TBRG4: variants seen among roughly 807,000 people sequenced by gnomAD.
The protein encoded by TBRG4 is transforming growth factor beta regulator 4, also known as FAST kinase domain-containing protein 4.
In TBRG4, 43 loss-of-function variants were observed where a neutral mutation model predicts 65.6. The observed-to-expected ratio is 0.66, with a 90% confidence interval of 0.51 to 0.85. The LOEUF is 0.85. TBRG4 is among the 40% of genes least tolerant of loss of function. The pLI, the probability that TBRG4 is intolerant of heterozygous loss-of-function variation, is 0.00. For synonymous variants in TBRG4, 366 were observed against 341.4 expected, an observed-to-expected ratio of 1.07 and a Z score of -0.79; for missense variants, 709 against 787.9, an observed-to-expected ratio of 0.90 and a Z score of 1.20.
chr7:45,110,206 G>A (rs1389156865), intron 1 of TBRG4, among the ~76,000 whole-genome samples: 3 of 152,010 alleles, frequency 2.0e-5, no homozygotes, highest in Non-Finnish European at 4.4e-5. Flanking sequence ...GCAACACAAG[G>A]CCCCATTTTA....
At chr7:45,111,201 C>A (rs1184814974) in intron 1 of TBRG4, among the ~76,000 whole-genome samples, 1 of 152,168 alleles carries the variant, frequency 6.6e-6, no homozygotes, top group African/African-American at 2.4e-5. Context: ...CCACCCGTCT[C>A]GGCCTCCCAA....
chr7:45,101,423 G>C, intron 9 of TBRG4, 51 bp from the exon 10 acceptor site: 1 of 1,607,294 alleles, frequency 6.2e-7, no homozygotes, highest in Non-Finnish European at 8.5e-7. Flanking sequence ...CAGCCCCTCG[G>C]AGGGGAAAGA....
rs748231648 is a variant in TBRG4 at position 45,101,870 on chromosome 7, C to A, written c.1522G>T (p.Asp508Tyr). Residue 508 changes from aspartate to tyrosine, a missense_variant, in exon 8 of 11, where the codon GAC (aspartate) becomes TAC (tyrosine). Transcript: ENST00000258770. The stretch of plus-strand genomic sequence containing the variant: ...GTGGCCACCTCGAGGCTGCCCTTGT[C>A]GGCGCTCCCCAGCAGCCCCTTCAGC... The part of the protein sequence containing the change: ...ETLKGLLGSA[D>Y]KGSLEVATQY... The A allele has an allele frequency of 1.2e-6, 2 of 1,609,376 alleles. No individual in the cohort carries two copies. Among genetic ancestry groups the A allele is most frequent in the South Asian group, 2.2e-5 (2 of 90,994 alleles).
intron 10 of TBRG4, among the ~76,000 whole-genome samples, chr7:45,100,794 C>A (rs1381810748): frequency 1.3e-5 from 2 of 152,222 alleles, no homozygotes; most frequent in Non-Finnish European, 2.9e-5. Context: ...GGGAAGGTGA[C>A]CACCTTTGAT....
chr7:45,109,314 G>T (rs1221214042), intron 1 of TBRG4, 27 bp from the exon 2 acceptor site: 1 of 1,495,932 alleles, frequency 6.7e-7, no homozygotes, highest in African/African-American at 1.4e-5. Context: ...GAGAGAAGGG[G>T]CTACTACAGG....
intron 2 of TBRG4, chr7:45,106,046 T>C (rs1275280068): frequency 4.6e-6 from 3 of 659,166 alleles, no homozygotes; most frequent in Non-Finnish European, 8.5e-6. Flanking sequence ...GTGGCAGTCT[T>C]CTGGGCCAGT....
chr7:45,107,473 T>C (rs968611107), intron 2 of TBRG4: 2 of 152,236 alleles, frequency 1.3e-5, no homozygotes, highest in African/African-American at 4.8e-5. Flanking sequence ...AAAACAAGTA[T>C]GGCTCTGTCC....
Position 45,102,132 on chromosome 7 carries a change from TGAG to T in TBRG4, c.1322-65_1322-63del, listed in dbSNP as rs1319512902. On this transcript the variant is annotated intron_variant, in intron 7 of 10. Coordinates refer to ENST00000258770, the MANE Select transcript of TBRG4 (RefSeq NM_004749.4). ...ACGGCCAGAGATGGGGAGACCCTGA[TGAG>T]AGGGCAGTGCACCCCTACACCCAGT... 6.5e-6 allele frequency: 10 copies of T among 1,539,800 alleles called. No individual in the cohort carries two copies. The East Asian group carries it at 2.0e-4, about 31-fold the overall frequency.
At position 45,101,540 on chromosome 7, in the gene TBRG4, G is replaced by A; in HGVS notation, c.1642C>T (p.Pro548Ser). 6.2e-7 allele frequency: 1 copy of A among 1,613,820 alleles called. No homozygotes were observed. Among genetic ancestry groups the A allele is most frequent in the Non-Finnish European group, 8.5e-7 (1 of 1,179,952 alleles). ...GGAGGTGGTGACTGGCTCCCAGTTG[G>A]CTGGGCAAGGTGAGGTGCCACAAAG... Reference protein sequence around the residue: ...RDFVAPHLAQPTGSQSPPPGS... With the variant: ...RDFVAPHLAQSTGSQSPPPGS... Residue 548 changes from proline (P) to serine (S), a missense_variant, in exon 9 of 11, where the codon CCA becomes TCA. Coordinates refer to ENST00000258770, the MANE Select transcript of TBRG4 (RefSeq NM_004749.4).
At chr7:45,102,762 A>G (rs932995223) in intron 6 of TBRG4, 7 of 488,772 alleles carry the variant, frequency 1.4e-5, no homozygotes, top group African/African-American at 7.8e-5. Flanking sequence ...GTTTACTACA[A>G]CCAACCTACT....
At position 45,105,471 on chromosome 7, in the gene TBRG4, C is replaced by A. The variant is rs142228035; in HGVS notation, c.705G>T (p.Ser235=). 6.2e-7 allele frequency: 1 copy of A among 1,611,192 alleles called. No individual in the cohort carries two copies. The highest frequency in any genetic ancestry group is 1.7e-5 in the Admixed American group (1 of 59,904). Residue 235 remains serine (S), a synonymous_variant, in exon 3 of 11, where the codon TCG becomes TCT. Transcript: ENST00000258770. ...VTVMMKVGHL[S]EPLMNRLEDK... ...CTTCCAGGCGGTTCATTAGTGGCTC[C>A]GAGAGGTGTCCCACCTTCATCATGA...
chr7:45,100,857 C>G (rs1784741704), intron 10 of TBRG4, among the ~76,000 whole-genome samples: 2 of 152,260 alleles, frequency 1.3e-5, no homozygotes, highest in Non-Finnish European at 1.5e-5. Context: ...AGACCTGCAT[C>G]TTTCTGCTCC....
chr7:45,109,155 C>T lies in TBRG4; in HGVS notation c.83G>A (p.Arg28Gln), dbSNP rs756085770. 3.2e-5 allele frequency: 51 copies of T among 1,613,954 alleles called. No individual in the cohort carries two copies. Among genetic ancestry groups the T allele is most frequent in the Middle Eastern group, 3.3e-4 (2 of 6,084 alleles). The change falls in exon 2 of 11, where the codon CGA becomes CAA. Residue 28 changes from arginine (R) to glutamine (Q), a missense_variant. Physicochemically the swap from Arg to Gln is conservative, Grantham distance 43. Coordinates refer to ENST00000258770, the MANE Select transcript of TBRG4 (RefSeq NM_004749.4). ...ATGGGCTACCCAGGCAAGTCTCAGT[C>T]GGCCAACTGGAGCCATGGCAGGGGC... is the stretch of plus-strand genomic sequence containing the variant. ...RQAPAMAPVGRLRLAWVAHKT... is the reference protein window; with the variant it reads ...RQAPAMAPVGQLRLAWVAHKT...
chr7:45,107,924 G>C (rs961798344), intron 2 of TBRG4: 3 of 152,216 alleles, frequency 2.0e-5, no homozygotes, highest in African/African-American at 7.2e-5. Context: ...ACACAACACA[G>C]GCATATATAT....
At chr7:45,109,549 C>G (rs891604254) in intron 1 of TBRG4, among the ~76,000 whole-genome samples, 14 of 151,944 alleles carry the variant, frequency 9.2e-5, no homozygotes, top group Admixed American at 8.5e-4. Flanking sequence ...TTTGAAATCA[C>G]CTAGGATGTG....
In TBRG4 at chr7:45,104,192, C is replaced by A; in HGVS notation, c.972G>T (p.Met324Ile). The change falls in exon 5 of 11, where the codon ATG (methionine) becomes ATT (isoleucine). Residue 324 changes from methionine to isoleucine, a missense_variant. By Grantham distance (10) the Met-to-Ile change is conservative (BLOSUM62 1). Transcript: ENST00000258770. The part of the protein sequence containing the change: ...QRLATDLLSL[M>I]PSLTSGEVAH... ...CCACCTCACCAGAAGTCAGGCTGGG[C>A]ATGAGGGATAGCAGGTCGGTGGCCA... 1.1e-5 allele frequency: 18 copies of A among 1,614,124 alleles called. No individual in the cohort carries two copies. Among genetic ancestry groups the A allele is most frequent in the Non-Finnish European group, 1.4e-5 (17 of 1,180,044 alleles).
Position 45,103,320 on chromosome 7 carries a change from C to G in TBRG4, c.1176+13G>C. 6.2e-7 allele frequency: 1 copy of G among 1,604,806 alleles called. No homozygotes were observed. Among genetic ancestry groups the G allele is most frequent in the Non-Finnish European group, 8.5e-7 (1 of 1,173,738 alleles). ...AGGATAAAGGTCGAGCAGTGGGAGCCCAGAGGCCCTACCAGGCTGAAGAAC... is the reference window on the plus strand; with the variant it reads ...AGGATAAAGGTCGAGCAGTGGGAGCGCAGAGGCCCTACCAGGCTGAAGAAC... On this transcript the variant is annotated intron_variant, in intron 6 of 10. Transcript: ENST00000258770.
At chr7:45,109,935 C>T (rs1785077938) in intron 1 of TBRG4, among the ~76,000 whole-genome samples, 1 of 144,606 alleles carries the variant, frequency 6.9e-6, no homozygotes, top group Non-Finnish European at 1.5e-5. Context: ...TGAGATTGCA[C>T]CACTGGACTC....
rs772136898 is a variant in TBRG4 at position 45,109,036 on chromosome 7, T to C, written c.202A>G (p.Ile68Val). 1.3e-5 allele frequency: 21 copies of C among 1,613,280 alleles called. No homozygotes were observed. The highest frequency in any genetic ancestry group is 1.7e-5 in the Non-Finnish European group (20 of 1,179,514). The change falls in exon 2 of 11, where the codon ATA becomes GTA. Residue 68 changes from isoleucine (I) to valine (V), a missense_variant. Transcript: ENST00000258770. ...VEKERASTPY[I>V]EKQVDHLIKK... is the part of the protein sequence containing the mutation. ...ATGAGGTGGTCCACCTGCTTCTCTA[T>C]GTAGGGAGTAGATGCTCGTTCCTTC...
Sources: gnomAD v4.1 joint callset for allele counts (sites outside exome capture counted in the v4.1 genomes callset) on GRCh38, gnomAD v4.1.1 for gene constraint, MANE v1.5 for transcripts, NCBI Gene and HGNC (gene_info 2026-07-23, HGNC 2026-07-21) for gene names.